The following XKR4 variants were observed in gnomAD, a reference collection of about 807,000 sequenced individuals.
XKR4 encodes the protein XK related 4.
XKR4 carries 12 observed loss-of-function variants against 53.9 expected under a neutral mutation model. That is an observed-to-expected ratio of 0.22 (90% CI 0.14 to 0.36). The LOEUF is 0.36. Among genes scored for constraint, XKR4 ranks in the 10% least tolerant of loss-of-function variants. XKR4 has a pLI of 1.00. For missense variants in XKR4, 799 were observed against 859.5 expected (o/e 0.93, Z 0.88); for synonymous variants, 354 against 362.4 (o/e 0.98, Z 0.26).
intron 1 of XKR4, among the ~76,000 whole-genome samples, chr8:55,335,893 A>T (rs1465734098): frequency 2.0e-5 from 3 of 152,092 alleles, no homozygotes; most frequent in Non-Finnish European, 4.4e-5. Flanking sequence ...TGGAAAACAG[A>T]TCTGTGGTTG....
At chr8:55,365,922 C>T (rs1803976746) in intron 2 of XKR4, among the ~76,000 whole-genome samples, 1 of 152,140 alleles carries the variant, frequency 6.6e-6, no homozygotes, top group Non-Finnish European at 1.5e-5. Flanking sequence ...AGGGGTGCAA[C>T]CTCGCAGCTG....
chr8:55,176,772 A>G (rs1817241302), intron 1 of XKR4, among the ~76,000 whole-genome samples: 1 of 152,080 alleles, frequency 6.6e-6, no homozygotes, highest in Non-Finnish European at 1.5e-5. Context: ...TTTTTCTCAT[A>G]CATAAATAAT....
chr8:55,223,143 G>A (rs1416321462), intron 1 of XKR4, among the ~76,000 whole-genome samples: 1 of 152,122 alleles, frequency 6.6e-6, no homozygotes, highest in Non-Finnish European at 1.5e-5. Flanking sequence ...GGCTGCACAG[G>A]CAGAACCAAT....
rs748708972 is a variant in XKR4, at chr8:55,141,671, C to CTCTCTCTCTCTCTCTCTCTCTGTG, written c.806+38378_806+38379insCTCTCTCTCTCTCTCTCTCTGTGT. ...TCTCTCTCTCTCTCTCTCTCTCTCT[C>CTCTCTCTCTCTCTCTCTCTCTGTG]TGTGTGTGTGTGTGTGTGTCTCTCT... On this transcript the variant is annotated intron_variant, in intron 1 of 2. Coordinates refer to ENST00000327381, the MANE Select transcript of XKR4 (RefSeq NM_052898.2). 6.0e-4 allele frequency among the ~76,000 whole-genome samples: 81 copies of CTCTCTCTCTCTCTCTCTCTCTGTG among 135,282 alleles called. 1 individual carries two copies. The highest frequency in any genetic ancestry group is 2.8e-3 in the South Asian group (10 of 3,610). The allele number at this position is 135,282 out of a possible 152,430, so 88.8% of individuals were successfully genotyped here.
At chr8:55,308,117 G>A (rs12546182) in intron 1 of XKR4, among the ~76,000 whole-genome samples, 36,981 of 151,968 alleles carry the variant, frequency 0.24, 4,935 homozygotes, top group East Asian at 0.53. Context: ...GCTGGGCATG[G>A]TGGCATGTGC....
At chr8:55,406,380 T>A (rs115785437) in intron 2 of XKR4, among the ~76,000 whole-genome samples, 4,117 of 152,258 alleles carry the variant, frequency 0.027, 165 homozygotes, top group African/African-American at 0.093. Context: ...CCTTATTCAA[T>A]CCTCGCATCA....
chr8:55,400,598 C>T (rs950345587), intron 2 of XKR4, among the ~76,000 whole-genome samples: 1 of 152,116 alleles, frequency 6.6e-6, no homozygotes, highest in Non-Finnish European at 1.5e-5. Flanking sequence ...GAGAGACAGC[C>T]TGAGCAAGGA....
chr8:55,277,383 C>T (rs948452793), intron 1 of XKR4, among the ~76,000 whole-genome samples: 2 of 152,136 alleles, frequency 1.3e-5, no homozygotes, highest in African/African-American at 4.8e-5. Context: ...TTGAGTATCT[C>T]TTATCTAAAA....
chr8:55,196,422 A>G (rs1817508957), intron 1 of XKR4, among the ~76,000 whole-genome samples: 1 of 152,086 alleles, frequency 6.6e-6, no homozygotes, highest in South Asian at 2.1e-4. Context: ...GCCTCAGGTG[A>G]TCTGCCCGCC....
In XKR4 at chr8:55,535,625, G is replaced by A. The variant is rs960386797; in HGVS notation, c.*11398G>A. The A allele has an allele frequency of 2.6e-5, 4 of 152,198 alleles. No homozygotes were observed. Among genetic ancestry groups the A allele is most frequent in the African/African-American group, 7.2e-5 (3 of 41,434 alleles). The allele number at this position is 152,198 out of a possible 1,614,324, so 9.4% of individuals were successfully genotyped here. A position where few individuals can be genotyped will look rare whatever the true frequency, so the allele number is the denominator to read the frequency against. On this transcript the variant is annotated 3_prime_UTR_variant, in exon 3 of 3. Coordinates refer to ENST00000327381, the MANE Select transcript of XKR4 (RefSeq NM_052898.2). Reference sequence around the variant, plus strand: ...AAGAGTTACTCTAGCAGGATTGGGTGTTGGGTCAGAGGGTATCTATTAATG... The same window carrying A: ...AAGAGTTACTCTAGCAGGATTGGGTATTGGGTCAGAGGGTATCTATTAATG...
intron 1 of XKR4, among the ~76,000 whole-genome samples, chr8:55,324,746 TA>T (rs1803268869): frequency 1.3e-5 from 2 of 152,298 alleles, no homozygotes; most frequent in East Asian, 3.9e-4. Flanking sequence ...AGGCTGAGAC[TA>T]GGGGACAGGA....
At chr8:55,248,856 G>A (rs1818328181) in intron 1 of XKR4, among the ~76,000 whole-genome samples, 1 of 151,934 alleles carries the variant, frequency 6.6e-6, no homozygotes, top group African/African-American at 2.4e-5. Flanking sequence ...GTAGACTTGT[G>A]ACTTGTTTTT....
At chr8:55,448,228 A>G (rs879775757) in intron 2 of XKR4, among the ~76,000 whole-genome samples, 1 of 152,226 alleles carries the variant, frequency 6.6e-6, no homozygotes, top group Admixed American at 6.5e-5. Context: ...TATTCATATA[A>G]AATAGTCACT....
At chr8:55,300,717 T>A (rs1819180619) in intron 1 of XKR4, among the ~76,000 whole-genome samples, 1 of 151,990 alleles carries the variant, frequency 6.6e-6, no homozygotes, top group African/African-American at 2.4e-5. Flanking sequence ...CTTTACTAAA[T>A]GTGGGGGAAT....
chr8:55,120,324 T>C (rs1024315882), intron 1 of XKR4, among the ~76,000 whole-genome samples: 4 of 152,290 alleles, frequency 2.6e-5, no homozygotes, highest in Middle Eastern at 6.8e-3. Context: ...AAGTAGGGCT[T>C]ACCTTTCTTA....
chr8:55,291,968 A>G (rs937509873), intron 1 of XKR4, among the ~76,000 whole-genome samples: 1 of 152,132 alleles, frequency 6.6e-6, no homozygotes, highest in Non-Finnish European at 1.5e-5. Flanking sequence ...TTCATGGCCT[A>G]TTAAGGTGGA....
intron 1 of XKR4, among the ~76,000 whole-genome samples, chr8:55,179,757 GA>G (rs938736044): frequency 1.3e-5 from 2 of 152,154 alleles, no homozygotes; most frequent in Admixed American, 1.3e-4. Context: ...TGGATTATAA[GA>G]AACAGTGCAC....
chr8:55,289,001 T>C (rs1474389471), intron 1 of XKR4, among the ~76,000 whole-genome samples: 1 of 152,220 alleles, frequency 6.6e-6, no homozygotes, highest in African/African-American at 2.4e-5. Flanking sequence ...CAGTTTGCTC[T>C]ATTATTGCCA....
chr8:55,480,724 G>A (rs1472541492), intron 2 of XKR4, among the ~76,000 whole-genome samples: 1 of 146,196 alleles, frequency 6.8e-6, no homozygotes, highest in Non-Finnish European at 1.5e-5. Flanking sequence ...CAAAATCAAT[G>A]TACAAAAATC....
Sources: gnomAD v4.1 joint callset for allele counts (sites outside exome capture counted in the v4.1 genomes callset) on GRCh38, gnomAD v4.1.1 for gene constraint, MANE v1.5 for transcripts, NCBI Gene and HGNC (gene_info 2026-07-23, HGNC 2026-07-21) for gene names.